Variants in PAX6 observed in about 807,000 individuals in gnomAD.
PAX6 encodes the protein paired box 6, also known as paired box protein Pax-6.
PAX6 carries 7 observed loss-of-function variants against 60.7 expected under a neutral mutation model. The observed-to-expected ratio is 0.12, with a 90% CI of 0.07 to 0.22. The LOEUF is 0.22. PAX6 is among the 10% of genes least tolerant of loss of function. The pLI is 1.00. For missense variants in PAX6, 355 were observed against 555.2 expected (o/e 0.64, Z 3.62); for synonymous variants, 208 against 201.2 (o/e 1.03, Z -0.29).
Position 31,802,765 on chromosome 11 carries a change from T to C in PAX6, c.80A>G (p.Gln27Arg). Residue 27 changes from glutamine to arginine, a missense_variant, in exon 5 of 14, where the codon CAG (glutamine) becomes CGG (arginine). By Grantham distance (43) the Gln-to-Arg change is conservative. Transcript: ENST00000640368. ...NGRPLPDSTR[Q>R]KIVELAHSGA... ...GCTGTGAGCTAGCTCTACAATCTTC[T>C]GCCGGGTGGAGTCCGGCAGTGGCCG... 6.2e-7 allele frequency: 1 copy of C among 1,614,022 alleles called. No individual in the cohort carries two copies. Among genetic ancestry groups the C allele is most frequent in the South Asian group, 1.1e-5 (1 of 91,060 alleles).
In PAX6 at chr11:31,801,929, T is replaced by G; in HGVS notation, c.142-17A>C. The G allele has an allele frequency of 6.2e-7, 1 of 1,606,810 alleles. No individual in the cohort carries two copies. The highest frequency in any genetic ancestry group is 8.5e-7 in the Non-Finnish European group (1 of 1,173,470). On this transcript the variant is annotated splice_polypyrimidine_tract_variant and intron_variant, in intron 5 of 13. Coordinates refer to ENST00000640368, the MANE Select transcript of PAX6 (RefSeq NM_001368894.2). ...TGCATGGGTCTATAACACAAAAATATACCTTCAATGGTATGAGAACTTACT... is the reference window on the plus strand; with the variant it reads ...TGCATGGGTCTATAACACAAAAATAGACCTTCAATGGTATGAGAACTTACT...
chr11:31,811,278 A>C lies in PAX6; in HGVS notation c.-480T>G. The C allele has an allele frequency of 2.5e-6, 1 of 398,998 alleles. No homozygotes were observed. The highest frequency in any genetic ancestry group is 4.4e-6 in the Non-Finnish European group (1 of 226,146). 24.7% of individuals were successfully genotyped at this position (398,998 alleles called of 1,614,324 possible). On this transcript the variant is annotated 5_prime_UTR_variant, in exon 1 of 14. Coordinates refer to ENST00000640368, the MANE Select transcript of PAX6 (RefSeq NM_001368894.2). ...TGAACCAGAGCGGGAAATGAGGCCG[A>C]GCCACGGTTCCCTTTTCAAACCCAC...
chr11:31,813,526 C>T (rs1957231898), upstream of PAX6, among the ~76,000 whole-genome samples: 1 of 152,058 alleles, frequency 6.6e-6, no homozygotes, highest in Admixed American at 6.6e-5. Flanking sequence ...TGCTATTTCC[C>T]CCCAGGGCAC....
At chr11:31,817,357 G>T (rs767203762) in intron 1 of PAX6, among the ~76,000 whole-genome samples, 1 of 152,262 alleles carries the variant, frequency 6.6e-6, no homozygotes, top group Non-Finnish European at 1.5e-5. Flanking sequence ...CACCTCGCCC[G>T]ACCCGCGGCA....
chr11:31,806,959 A>G (rs909732365), intron 2 of PAX6, 34 bp from the exon 3 acceptor site: 2 of 153,220 alleles, frequency 1.3e-5, no homozygotes. Context: ...AAGGTATATC[A>G]AGCTGTGGTT....
chr11:31,794,418 CACCACA>C (rs1187625445), intron 9 of PAX6: 192 of 466,186 alleles, frequency 4.1e-4, no homozygotes, highest in Middle Eastern at 4.0e-3. Context: ...CACACACACA[CACCACA>C]CACACACACA....
intron 7 of PAX6, 107 bp from the exon 8 acceptor site, chr11:31,800,963 A>G: frequency 3.4e-6 from 4 of 1,188,094 alleles, no homozygotes; most frequent in Non-Finnish European, 3.7e-6. Flanking sequence ...CCCGTTAAAA[A>G]GCTCCCAGCC....
chr11:31,792,655 G>A (rs1950288544), intron 12 of PAX6: 1 of 155,776 alleles, frequency 6.4e-6, no homozygotes, highest in Non-Finnish European at 1.4e-5. Context: ...CAAAGGTCTA[G>A]TACAAACCAT....
In PAX6 at chr11:31,789,394, A is replaced by T. The variant is rs919716628; in HGVS notation, c.*540T>A. 6 of 339,344 alleles carry T rather than the reference A, an allele frequency of 1.8e-5. No homozygotes were observed. The highest frequency in any genetic ancestry group is 3.2e-5 in the Non-Finnish European group (6 of 189,172). 21.0% of individuals were successfully genotyped at this position (339,344 alleles called of 1,614,324 possible). On this transcript the variant is annotated 3_prime_UTR_variant, in exon 14 of 14. Transcript: ENST00000640368. ...ACTTCATCTGTTAACAACCTTTGGA[A>T]AACCAACAGATATTTCTGACATAAA...
At chr11:31,796,216 C>T (rs1951449701) in intron 8 of PAX6, among the ~76,000 whole-genome samples, 1 of 152,210 alleles carries the variant, frequency 6.6e-6, no homozygotes, top group South Asian at 2.1e-4. Context: ...CAGCGCTGCA[C>T]AATGCCCCGC....
chr11:31,799,621 C>A (rs1439645614), intron 8 of PAX6, among the ~76,000 whole-genome samples: 1 of 152,170 alleles, frequency 6.6e-6, no homozygotes, highest in African/African-American at 2.4e-5. Flanking sequence ...CAGAAGCATC[C>A]TTTGTACCAG....
At chr11:31,802,579 G>A in intron 5 of PAX6, 125 bp downstream of exon 5, 1 of 1,011,586 alleles carries the variant, frequency 9.9e-7, no homozygotes, top group South Asian at 1.6e-5. Flanking sequence ...TGGGGGGACT[G>A]GGGACTGGGG....
At chr11:31,794,140 A>G (rs1454679282) in intron 9 of PAX6, 26 bp from the exon 10 acceptor site, 1 of 1,488,058 alleles carries the variant, frequency 6.7e-7, no homozygotes, top group Admixed American at 1.7e-5. Context: ...GATTTTCCAT[A>G]TTGTGCCAGA....
At chr11:31,792,928 G>T in intron 12 of PAX6, 1 of 334,888 alleles carries the variant, frequency 3.0e-6, no homozygotes, top group Non-Finnish European at 5.6e-6. Flanking sequence ...ATTATATTAT[G>T]TATATCTCAC....
In PAX6 at chr11:31,806,037, GA is replaced by G. The variant is rs959381514; in HGVS notation, c.10+364del. On this transcript the variant is annotated intron_variant, in intron 4 of 13. Coordinates refer to ENST00000640368, the MANE Select transcript of PAX6 (RefSeq NM_001368894.2). ...GGGCCTCCTTCTCGCTCAACTAGGA[GA>G]AGACTTCGCCCCGCCCTGATCAGCC... 1.3e-5 allele frequency: 4 copies of G among 301,684 alleles called. No homozygotes were observed. In the Admixed American group the frequency reaches 2.1e-4, roughly 15 times the overall value. The allele number at this position is 301,684 out of a possible 1,614,324, so 18.7% of individuals were successfully genotyped here. A position where few individuals can be genotyped will look rare whatever the true frequency, so the allele number is the denominator to read the frequency against.
rs748439065 is a variant in PAX6 at position 31,793,396 on chromosome 11, T to C, written c.1074+42A>G. The C allele has an allele frequency of 8.3e-6, 13 of 1,562,192 alleles. No individual in the cohort carries two copies. In the Admixed American group the frequency reaches 2.0e-4, roughly 24 times the overall value. ...CAGGCCCTGAGCCACTCCTCACTTC[T>C]CTGGGGCCTGGGTTATGCAGGCCAC... On this transcript the variant is annotated intron_variant, in intron 12 of 13. Transcript: ENST00000640368.
rs540068770 is a variant in PAX6 at position 31,806,128 on chromosome 11, G to T, written c.10+274C>A. The T allele has an allele frequency of 4.0e-5, 19 of 478,058 alleles. No individual in the cohort carries two copies. In the South Asian group the frequency reaches 4.7e-4, roughly 12 times the overall value. The allele number at this position is 478,058 out of a possible 1,614,324, so 29.6% of individuals were successfully genotyped here. On this transcript the variant is annotated intron_variant, in intron 4 of 13. Coordinates refer to ENST00000640368, the MANE Select transcript of PAX6 (RefSeq NM_001368894.2). Reference sequence around the variant, plus strand: ...GAGGGGGTGTGAGTTACAGGATTTGGGGGGGATGGGGTTTCTCTACCGCAG... The same window carrying T: ...GAGGGGGTGTGAGTTACAGGATTTGTGGGGGATGGGGTTTCTCTACCGCAG...
In PAX6 at chr11:31,816,590, C is replaced by T. The variant is rs1218373879; in HGVS notation, c.-317+1219G>A. ...CACTGCGAAGCAGGCGACCTGCTCG[C>T]CGCCCAGCTCCAGGGAGAGGAACCC... is the stretch of plus-strand genomic sequence containing the variant. On this transcript the variant is annotated intron_variant, in intron 1 of 12. Coordinates refer to the PAX6 transcript ENST00000241001. 7.1e-6 allele frequency: 5 copies of T among 702,476 alleles called. No individual in the cohort carries two copies. The Admixed American group carries it at 1.0e-4, about 14-fold the overall frequency. The allele number at this position is 702,476 out of a possible 1,614,324, so 43.5% of individuals were successfully genotyped here.
At chr11:31,801,152 TA>T in intron 7 of PAX6, 1 of 1,113,858 alleles carries the variant, frequency 9.0e-7, no homozygotes, top group Non-Finnish European at 1.2e-6. Context: ...TGCCCGAAAA[TA>T]AAAACTATTT....
Sources: allele counts gnomAD v4.1 joint callset (sites outside exome capture counted in the v4.1 genomes callset), GRCh38; gene constraint gnomAD v4.1.1; transcripts MANE v1.5; gene names NCBI Gene and HGNC (gene_info 2026-07-23, HGNC 2026-07-21).